SDHAF3: variants seen among roughly 807,000 people sequenced by gnomAD.
The protein encoded by SDHAF3 is succinate dehydrogenase complex assembly factor 3.
A neutral mutation model predicts 11.5 loss-of-function variants in SDHAF3; 18 were observed. The observed-to-expected ratio is 1.56, with a 90% CI of 1.08 to 2.32. The LOEUF (loss-of-function observed/expected upper bound fraction) is 2.32, where lower values mean the gene tolerates loss of function less well. Among genes scored for constraint, SDHAF3 ranks in the 30% most tolerant of loss-of-function variants. SDHAF3 has a pLI of 0.00. For synonymous variants in SDHAF3, 72 were observed against 59.3 expected, an observed-to-expected ratio of 1.21 and a Z score of -0.99; for missense variants, 200 against 154.4, an observed-to-expected ratio of 1.30 and a Z score of -1.57.
chr7:97,142,211 G>A (rs1046785366), intron 1 of SDHAF3, among the ~76,000 whole-genome samples: 10 of 151,314 alleles, frequency 6.6e-5, no homozygotes, highest in African/African-American at 2.2e-4. Flanking sequence ...ATACCACCAC[G>A]CCTAGCTAAT....
rs141628930 is a variant in SDHAF3 at position 97,134,573 on chromosome 7, A to G, written c.174+16676A>G. On this transcript the variant is annotated intron_variant, in intron 1 of 1. Coordinates refer to ENST00000432641, the MANE Select transcript of SDHAF3 (RefSeq NM_020186.3). ...GTGATTCTCCTGCCTCAGCCCCCCA[A>G]GTAGCTGGTATTACAAGTGCCTGCC... Among the ~76,000 whole-genome samples, 1,421 of 152,122 alleles carry G rather than the reference A, an allele frequency of 9.3e-3. 21 individuals carry two copies. The highest frequency in any genetic ancestry group is 0.032 in the African/African-American group (1,329 of 41,476).
intron 1 of SDHAF3, among the ~76,000 whole-genome samples, chr7:97,151,473 T>C (rs1328825487): frequency 6.8e-6 from 1 of 148,064 alleles, no homozygotes; most frequent in Non-Finnish European, 1.5e-5. Flanking sequence ...TGGGTAAAGC[T>C]GCTCTGGGTG....
intron 1 of SDHAF3, among the ~76,000 whole-genome samples, chr7:97,148,496 T>C (rs534754471): frequency 6.6e-6 from 1 of 152,292 alleles, no homozygotes; most frequent in African/African-American, 2.4e-5. Context: ...ATGATTGCCC[T>C]ACTGTACTCC....
intron 1 of SDHAF3, among the ~76,000 whole-genome samples, chr7:97,146,080 A>ATT (rs911384167): frequency 2.7e-5 from 4 of 149,852 alleles, no homozygotes; most frequent in African/African-American, 9.9e-5. Context: ...AAAAATAGAG[A>ATT]TTTGGAAATT....
At chr7:97,137,776 C>T (rs753617480) in intron 1 of SDHAF3, among the ~76,000 whole-genome samples, 11 of 151,430 alleles carry the variant, frequency 7.3e-5, no homozygotes, top group Admixed American at 2.0e-4. Context: ...AGAGGGAAAG[C>T]GTCTCTCTTT....
At chr7:97,145,395 T>TTA (rs1215502403) in intron 1 of SDHAF3, among the ~76,000 whole-genome samples, 1 of 152,194 alleles carries the variant, frequency 6.6e-6, no homozygotes, top group African/African-American at 2.4e-5. Flanking sequence ...TTTAACTATT[T>TTA]TATATATATG....
At chr7:97,123,908 G>A (rs10255538) in intron 1 of SDHAF3, among the ~76,000 whole-genome samples, 2 of 151,184 alleles carry the variant, frequency 1.3e-5, no homozygotes, top group East Asian at 3.9e-4. Context: ...CCCTTTGTCA[G>A]ATGGATAGAT....
chr7:97,148,259 G>T (rs974537817), intron 1 of SDHAF3, among the ~76,000 whole-genome samples: 4 of 152,136 alleles, frequency 2.6e-5, no homozygotes, highest in African/African-American at 4.8e-5. Flanking sequence ...TTCCAGCCGG[G>T]CACAGTGGCT....
At chr7:97,126,276 G>A (rs1191320221) in intron 1 of SDHAF3, among the ~76,000 whole-genome samples, 2 of 152,180 alleles carry the variant, frequency 1.3e-5, no homozygotes, top group East Asian at 1.9e-4. Context: ...AGGCATGGGG[G>A]TCAAAGACCC....
intron 1 of SDHAF3, chr7:97,136,353 C>A: frequency 1.7e-6 from 1 of 574,856 alleles, no homozygotes; most frequent in Non-Finnish European, 3.2e-6. Flanking sequence ...TTTGTGTAAA[C>A]CTGTATTTGC....
At chr7:97,131,381 C>T (rs1416940531) in intron 1 of SDHAF3, among the ~76,000 whole-genome samples, 1 of 152,018 alleles carries the variant, frequency 6.6e-6, no homozygotes, top group Non-Finnish European at 1.5e-5. Context: ...TGTTTATTAG[C>T]CTGAAGTGCT....
At chr7:97,134,580 G>A (rs1295170722) in intron 1 of SDHAF3, among the ~76,000 whole-genome samples, 1 of 152,054 alleles carries the variant, frequency 6.6e-6, no homozygotes, top group Non-Finnish European at 1.5e-5. Flanking sequence ...CCAAGTAGCT[G>A]GTATTACAAG....
intron 1 of SDHAF3, among the ~76,000 whole-genome samples, chr7:97,160,832 C>G (rs1243425058): frequency 6.6e-6 from 1 of 151,914 alleles, no homozygotes; most frequent in Non-Finnish European, 1.5e-5. Flanking sequence ...AGTGTAGGCA[C>G]AATAAGACTT....
chr7:97,119,174 G>T (rs1562818073), intron 1 of SDHAF3, among the ~76,000 whole-genome samples: 1 of 152,168 alleles, frequency 6.6e-6, no homozygotes, highest in Non-Finnish European at 1.5e-5. Context: ...ATTGCTAATT[G>T]TTATGAAGCT....
In SDHAF3 at chr7:97,175,299, G is replaced by A. The variant is rs571907503; in HGVS notation, c.175-5713G>A. On this transcript the variant is annotated intron_variant, in intron 1 of 1. Transcript: ENST00000432641. The stretch of plus-strand genomic sequence containing the variant: ...TTAGATTTTAATTTTAGGTTTGAGG[G>A]TACATGTGAAGGTTTGTTGCATAGG... Among the ~76,000 whole-genome samples the A allele has an allele frequency of 3.3e-5, 5 of 152,154 alleles. No individual in the cohort carries two copies. The East Asian group carries it at 9.6e-4, about 29-fold the overall frequency.
At chr7:97,134,666 T>G (rs1791721187) in intron 1 of SDHAF3, among the ~76,000 whole-genome samples, 1 of 152,160 alleles carries the variant, frequency 6.6e-6, no homozygotes, top group African/African-American at 2.4e-5. Flanking sequence ...AGGCTGGTCT[T>G]GAACTCCTGA....
intron 1 of SDHAF3, among the ~76,000 whole-genome samples, chr7:97,143,537 C>A (rs1446771670): frequency 6.6e-6 from 1 of 152,138 alleles, no homozygotes; most frequent in Non-Finnish European, 1.5e-5. Flanking sequence ...TCCCACATAT[C>A]AGTGAGAACA....
At chr7:97,159,606 T>A (rs946241420) in intron 1 of SDHAF3, among the ~76,000 whole-genome samples, 23 of 150,204 alleles carry the variant, frequency 1.5e-4, no homozygotes, top group Non-Finnish European at 2.7e-4. Flanking sequence ...ACAACCCCAA[T>A]TTTTTTTTTC....
At chr7:97,160,004 G>A (rs1789375211) in intron 1 of SDHAF3, among the ~76,000 whole-genome samples, 1 of 152,210 alleles carries the variant, frequency 6.6e-6, no homozygotes, top group East Asian at 1.9e-4. Flanking sequence ...TAATGACAAG[G>A]ATTTGTTAAC....
Sources: allele counts gnomAD v4.1 joint callset (sites outside exome capture counted in the v4.1 genomes callset), GRCh38; gene constraint gnomAD v4.1.1; transcripts MANE v1.5; gene names NCBI Gene and HGNC (gene_info 2026-07-23, HGNC 2026-07-21).